Variants in RAG1 observed in about 807,000 individuals in gnomAD.
RAG1 encodes recombination activating 1.
In RAG1, 35 loss-of-function variants were observed where a neutral mutation model predicts 62.7. The ratio of observed to expected loss-of-function variants is 0.56; its 90% CI spans 0.43 to 0.74. The LOEUF is 0.74. Ranked by LOEUF, RAG1 falls within the 30% of genes least tolerant of loss-of-function variation. The pLI, the probability that RAG1 is intolerant of heterozygous loss-of-function variation, is 0.00. For synonymous variants in RAG1, 461 were observed against 470.3 expected (o/e 0.98, Z 0.26); for missense variants, 1,169 against 1,278.6 (o/e 0.91, Z 1.31).
chr11:36,543,208 AC>A (rs370799477), intron 3 of RAG1, among the ~76,000 whole-genome samples: 24 of 151,716 alleles, frequency 1.6e-4, no homozygotes, highest in Admixed American at 5.2e-4. Flanking sequence ...CCTTGATTAG[AC>A]CCCAGTCTCT....
chr11:36,551,680 A>G lies in RAG1; in HGVS notation c.-411-11705A>G, dbSNP rs1590687135. Among the ~76,000 whole-genome samples, 3 of 142,662 alleles carry G rather than the reference A, an allele frequency of 2.1e-5. No homozygotes were observed. In the Admixed American group the frequency reaches 2.1e-4, roughly 10 times the overall value. 93.6% of individuals were successfully genotyped at this position (142,662 alleles called of 152,430 possible). On this transcript the variant is annotated intron_variant and NMD_transcript_variant, in intron 3 of 9. Coordinates refer to the RAG1 transcript ENST00000534663. ...GTGCAGGTTAGTTACATATGTATAC[A>G]TGTGCCATGCTGGTGCACTGCACCC...
rs1850393687 is a variant in RAG1 at position 36,546,400 on chromosome 11, C to G, written c.-412+10366C>G. On this transcript the variant is annotated intron_variant and NMD_transcript_variant, in intron 3 of 9. Coordinates refer to the RAG1 transcript ENST00000534663. ...TTTATTAGAGACTAGGATTGCAACC[C>G]CTGCTTTCTTTTTGCTTTCCATTTG... Among the ~76,000 whole-genome samples, 3 of 152,064 alleles carry G rather than the reference C, an allele frequency of 2.0e-5. No homozygotes were observed. In the South Asian group the frequency reaches 6.2e-4, roughly 32 times the overall value.
intron 3 of RAG1, among the ~76,000 whole-genome samples, chr11:36,548,718 A>G (rs1034520050): frequency 1.3e-4 from 20 of 152,246 alleles, no homozygotes; most frequent in Admixed American, 9.2e-4. Flanking sequence ...TATAGATTCA[A>G]TGCTATCCCC....
intron 1 of RAG1, among the ~76,000 whole-genome samples, chr11:36,511,726 C>T (rs773137490): frequency 1.4e-4 from 22 of 152,186 alleles, no homozygotes; most frequent in Non-Finnish European, 3.1e-4. Context: ...TTGTGTATCC[C>T]TCCCTAGAAG....
chr11:36,558,870 G>A (rs879882934), intron 3 of RAG1, among the ~76,000 whole-genome samples: 1 of 152,090 alleles, frequency 6.6e-6, no homozygotes, highest in African/African-American at 2.4e-5. Flanking sequence ...GTTTATCTTT[G>A]TGTGGTTTGC....
At chr11:36,550,360 C>T (rs1312268430) in intron 3 of RAG1, among the ~76,000 whole-genome samples, 2 of 151,912 alleles carry the variant, frequency 1.3e-5, no homozygotes, top group African/African-American at 2.4e-5. Flanking sequence ...CAAATTTGAC[C>T]TACCCTAAGA....
At chr11:36,512,414 A>G (rs1218313741) in intron 1 of RAG1, among the ~76,000 whole-genome samples, 3 of 152,180 alleles carry the variant, frequency 2.0e-5, no homozygotes, top group Admixed American at 6.5e-5. Context: ...TAAGCCATTG[A>G]GATATTGGGA....
At chr11:36,541,888 A>T (rs1850308218) in intron 3 of RAG1, among the ~76,000 whole-genome samples, 1 of 152,156 alleles carries the variant, frequency 6.6e-6, no homozygotes, top group African/African-American at 2.4e-5. Flanking sequence ...ACCCTAAAAA[A>T]AAACCACCTA....
intron 3 of RAG1, among the ~76,000 whole-genome samples, chr11:36,559,000 G>C (rs1382062035): frequency 6.6e-6 from 1 of 152,084 alleles, no homozygotes; most frequent in South Asian, 2.1e-4. Context: ...CAGATATAGG[G>C]CTCCCTTAAT....
At chr11:36,532,393 A>G (rs1860269939) in intron 2 of RAG1, among the ~76,000 whole-genome samples, 1 of 152,134 alleles carries the variant, frequency 6.6e-6, no homozygotes, top group South Asian at 2.1e-4. Flanking sequence ...CAAAAATGGT[A>G]CCACATTAGT....
At chr11:36,511,417 G>T (rs1283550677) in intron 1 of RAG1, among the ~76,000 whole-genome samples, 1 of 152,192 alleles carries the variant, frequency 6.6e-6, no homozygotes, top group South Asian at 2.1e-4. Flanking sequence ...TTGCACCACT[G>T]CATTCCAGCC....
At chr11:36,531,460 A>AG (rs1229895600) in intron 2 of RAG1, among the ~76,000 whole-genome samples, 1 of 151,720 alleles carries the variant, frequency 6.6e-6, no homozygotes, top group Non-Finnish European at 1.5e-5. Flanking sequence ...TGTTTTATAT[A>AG]GTGGTATGTC....
In RAG1 at chr11:36,576,556, G is replaced by C. The variant is rs1161304675; in HGVS notation, c.*120G>C. ...GGCTTCACCATCCAAGAGGTGGTAG[G>C]TTGGAGTAAGATGCTACAGATGCTC... On this transcript the variant is annotated 3_prime_UTR_variant, in exon 2 of 2. Transcript: ENST00000299440. 4.9e-6 allele frequency: 6 copies of C among 1,234,248 alleles called. No individual in the cohort carries two copies. The African/African-American group carries it at 9.0e-5, about 18-fold the overall frequency. 76.5% of individuals were successfully genotyped at this position (1,234,248 alleles called of 1,614,324 possible).
At chr11:36,514,907 T>C (rs1299161681) in intron 1 of RAG1, among the ~76,000 whole-genome samples, 1 of 152,160 alleles carries the variant, frequency 6.6e-6, no homozygotes, top group African/African-American at 2.4e-5. Context: ...TTCAGCAGAG[T>C]GGTCCATGCA....
At position 36,578,757 on chromosome 11, in the gene RAG1, A is replaced by T. The variant is rs1564991267; in HGVS notation, c.*2321A>T. 6.0e-6 allele frequency: 1 copy of T among 167,044 alleles called. No individual in the cohort carries two copies. The highest frequency in any genetic ancestry group is 6.5e-5 in the Admixed American group (1 of 15,268). 10.3% of individuals were successfully genotyped at this position (167,044 alleles called of 1,614,324 possible). A position where few individuals can be genotyped will look rare whatever the true frequency, so the allele number is the denominator to read the frequency against. On this transcript the variant is annotated 3_prime_UTR_variant, in exon 2 of 2. Transcript: ENST00000299440. ...ACGCTGCCTATGGTTTTTTGCCCTT[A>T]CTGTTGAGACTGCAATATCCTAGAC...
intron 1 of RAG1, among the ~76,000 whole-genome samples, chr11:36,514,533 A>T (rs767894037): frequency 2.0e-5 from 3 of 152,314 alleles, no homozygotes; most frequent in African/African-American, 7.2e-5. Flanking sequence ...ACATTGCACT[A>T]TATAATGAAA....
intron 1 of RAG1, among the ~76,000 whole-genome samples, chr11:36,519,799 C>A (rs750111508): frequency 6.6e-6 from 1 of 152,028 alleles, no homozygotes; most frequent in Non-Finnish European, 1.5e-5. Context: ...ATGAACATAA[C>A]CCCTCCACGC....
At chr11:36,522,490 G>A (rs1002756739) in intron 2 of RAG1, among the ~76,000 whole-genome samples, 1 of 152,250 alleles carries the variant, frequency 6.6e-6, no homozygotes, top group South Asian at 2.1e-4. Flanking sequence ...ACGCCTGGAT[G>A]CCCAGGCAGA....
chr11:36,576,056 CGTT>C lies in RAG1; in HGVS notation c.2753_2755del (p.Arg918_Phe919delinsLeu). The C allele has an allele frequency of 6.2e-7, 1 of 1,614,068 alleles. No individual in the cohort carries two copies. The highest frequency in any genetic ancestry group is 8.5e-7 in the Non-Finnish European group (1 of 1,180,028). ...CTGCCAGTACAGTTTCAATTCACAGCGTTTTGCTGAGCTCCTTTCTACGAAGTT... is the reference window on the plus strand; with the variant it reads ...CTGCCAGTACAGTTTCAATTCACAGCTTGCTGAGCTCCTTTCTACGAAGTT... On this transcript the variant is annotated inframe_deletion, in exon 2 of 2. Transcript: ENST00000299440.
Sources: allele counts gnomAD v4.1 joint callset (sites outside exome capture counted in the v4.1 genomes callset), GRCh38; gene constraint gnomAD v4.1.1; transcripts MANE v1.5; gene names NCBI Gene and HGNC (gene_info 2026-07-23, HGNC 2026-07-21).